The following ANK2 variants were observed in gnomAD, a reference collection of about 807,000 sequenced individuals.
The protein encoded by ANK2 is ankyrin-2.
In ANK2, 83 loss-of-function variants were observed where a neutral mutation model predicts 360.5. The ratio of observed to expected loss-of-function variants is 0.23; its 90% CI spans 0.19 to 0.28. The LOEUF is 0.28. Among genes scored for constraint, ANK2 ranks in the 10% least tolerant of loss-of-function variants. ANK2 has a pLI of 1.00. For synonymous variants in ANK2, 1,740 were observed against 1,759.5 expected (o/e 0.99, Z 0.28); for missense variants, 4,201 against 4,795.7 (o/e 0.88, Z 3.66).
chr4:113,282,567 C>A, intron 17 of ANK2, 108 bp from the exon 18 acceptor site: 1 of 1,109,128 alleles, frequency 9.0e-7, no homozygotes, highest in Non-Finnish European at 1.3e-6. Flanking sequence ...TGTAAACTCA[C>A]TTTTAACTCT....
chr4:112,971,127 A>T (rs2039379863), intron 2 of ANK2, among the ~76,000 whole-genome samples: 1 of 152,204 alleles, frequency 6.6e-6, no homozygotes, highest in Non-Finnish European at 1.5e-5. Flanking sequence ...CACAAATTTT[A>T]TTTATTTTAT....
At chr4:112,836,057 A>G (rs1362647323) in intron 1 of ANK2, among the ~76,000 whole-genome samples, 1 of 152,098 alleles carries the variant, frequency 6.6e-6, no homozygotes, top group African/African-American at 2.4e-5. Context: ...GGAGGCTGAT[A>G]TGGTTTGGCT....
chr4:113,345,992 C>T lies in ANK2; in HGVS notation c.4341C>T (p.Asn1447=). The T allele has an allele frequency of 3.1e-6, 5 of 1,613,618 alleles. No individual in the cohort carries two copies. Among genetic ancestry groups the T allele is most frequent in the Non-Finnish European group, 4.2e-6 (5 of 1,179,606 alleles). The change falls in exon 35 of 46, where the codon AAC becomes AAT. Residue 1447 remains asparagine, a synonymous_variant. Coordinates refer to ENST00000357077, the MANE Select transcript of ANK2 (RefSeq NM_001148.6). ...GCCTGGTGCATCAAGCTATTTGCAA[C>T]TTAAACATCACTTTGCCGATTTATA... is the stretch of plus-strand genomic sequence containing the variant. ...TRGLVHQAIC[N]LNITLPIYTK... is the part of the protein sequence containing the mutation.
At chr4:113,222,624 T>G (rs1261748941) in intron 4 of ANK2, among the ~76,000 whole-genome samples, 1 of 152,124 alleles carries the variant, frequency 6.6e-6, no homozygotes, top group Non-Finnish European at 1.5e-5. Flanking sequence ...TCTCACCACT[T>G]GGTGTCTCCT....
At chr4:112,807,557 A>G in the ANK2 span, among the ~76,000 whole-genome samples, 1 of 152,202 alleles carries the variant, frequency 6.6e-6, no homozygotes, top group African/African-American at 2.4e-5. Context: ...TTTGATGTAT[A>G]CTTAGGTTTC....
At chr4:112,888,087 T>C (rs1277086703) in intron 1 of ANK2, among the ~76,000 whole-genome samples, 1 of 152,162 alleles carries the variant, frequency 6.6e-6, no homozygotes, top group Non-Finnish European at 1.5e-5. Context: ...GCTAGATAGG[T>C]AGTGTTTTCC....
At chr4:113,369,247 G>A (rs908701623) in intron 42 of ANK2, among the ~76,000 whole-genome samples, 1 of 152,154 alleles carries the variant, frequency 6.6e-6, no homozygotes, top group Non-Finnish European at 1.5e-5. Flanking sequence ...CATTGTAGAG[G>A]TTGGGTAACT....
At position 112,908,568 on chromosome 4, in the gene ANK2, A is replaced by G. The variant is rs139985508; in HGVS notation, c.21+4054A>G. ...AGAAAAAAGTGGCTTTGAGAGTCCA[A>G]TGAAGGTTTATATCCTTAGAACCTG... is the stretch of plus-strand genomic sequence containing the variant. On this transcript the variant is annotated intron_variant, in intron 2 of 30. Transcript: ENST00000503271. Among the ~76,000 whole-genome samples, 732 of 152,296 alleles carry G rather than the reference A, an allele frequency of 4.8e-3. 3 individuals carry two copies. The highest frequency in any genetic ancestry group is 0.016 in the African/African-American group (668 of 41,568).
intron 2 of ANK2, among the ~76,000 whole-genome samples, chr4:112,948,403 TTA>T (rs2094704062): frequency 6.6e-6 from 1 of 152,178 alleles, no homozygotes; most frequent in Non-Finnish European, 1.5e-5. Flanking sequence ...TGTTTTTTTT[TTA>T]TGTTTGGATA....
chr4:112,709,551 C>G, the ANK2 span, among the ~76,000 whole-genome samples: 1 of 152,060 alleles, frequency 6.6e-6, no homozygotes, highest in African/African-American at 2.4e-5. Context: ...GAGTTCGAGA[C>G]CAGCCTGGCC....
chr4:113,142,598 G>T (rs1369067025), intron 1 of ANK2, among the ~76,000 whole-genome samples: 1 of 152,010 alleles, frequency 6.6e-6, no homozygotes, highest in East Asian at 1.9e-4. Context: ...CTAAGCTTTA[G>T]CAGTGGGGTT....
chr4:113,332,179 A>G (rs2092621847), intron 28 of ANK2, 109 bp downstream of exon 28: 3 of 997,762 alleles, frequency 3.0e-6, no homozygotes, highest in East Asian at 2.4e-5. Context: ...GTCCCTTTCT[A>G]TGATTTAAAT....
chr4:112,822,177 A>C (rs1234230145), intron 1 of ANK2, among the ~76,000 whole-genome samples: 1 of 149,250 alleles, frequency 6.7e-6, no homozygotes, highest in African/African-American at 2.5e-5. Flanking sequence ...CCAAGGCGAG[A>C]GGATCACGAG....
intron 1 of ANK2, among the ~76,000 whole-genome samples, chr4:112,850,915 T>C (rs1178867091): frequency 2.0e-5 from 3 of 152,098 alleles, no homozygotes; most frequent in Non-Finnish European, 2.9e-5. Flanking sequence ...TTCTTTACAT[T>C]CACCCTTAAA....
intron 1 of ANK2, among the ~76,000 whole-genome samples, chr4:113,136,816 G>T (rs1053815728): frequency 6.7e-6 from 1 of 149,670 alleles, no homozygotes; most frequent in Non-Finnish European, 1.5e-5. Flanking sequence ...GAGTGCAGCA[G>T]TACAATCTCG....
intron 2 of ANK2, among the ~76,000 whole-genome samples, chr4:112,986,230 A>T (rs759906055): frequency 7.2e-5 from 11 of 151,858 alleles, no homozygotes; most frequent in Non-Finnish European, 1.5e-4. Flanking sequence ...CTATATATGA[A>T]CAGCCAAATT....
chr4:113,234,737 A>G (rs1470349454), intron 5 of ANK2, among the ~76,000 whole-genome samples: 1 of 152,230 alleles, frequency 6.6e-6, no homozygotes, highest in Non-Finnish European at 1.5e-5. Flanking sequence ...TTTAAAGTTC[A>G]ATAATTGTGA....
chr4:112,797,996 C>A, the ANK2 span: 2 of 163,040 alleles, frequency 1.2e-5, no homozygotes, highest in South Asian at 3.6e-4. Flanking sequence ...ACAGAAAGGT[C>A]ACATCCATCA....
intron 1 of ANK2, among the ~76,000 whole-genome samples, chr4:113,153,022 A>G (rs2097152503): frequency 6.6e-6 from 1 of 152,220 alleles, no homozygotes; most frequent in East Asian, 1.9e-4. Flanking sequence ...AGTAGAGATT[A>G]TAAATTGAAA....
Sources: allele counts gnomAD v4.1 joint callset (sites outside exome capture counted in the v4.1 genomes callset), GRCh38; gene constraint gnomAD v4.1.1; transcripts MANE v1.5; gene names NCBI Gene and HGNC (gene_info 2026-07-23, HGNC 2026-07-21).